Variants in CERS5 observed in about 807,000 individuals in gnomAD.
CERS5 encodes the protein LAG1 homolog, ceramide synthase 5.
CERS5 carries 37 observed loss-of-function variants against 58.9 expected under a neutral mutation model. That is an observed-to-expected ratio of 0.63 (90% CI 0.48 to 0.83). The LOEUF (loss-of-function observed/expected upper bound fraction) is 0.83, where lower values mean the gene tolerates loss of function less well. Ranked by LOEUF, CERS5 falls within the 40% of genes least tolerant of loss-of-function variation. CERS5 has a pLI of 0.00. For synonymous variants in CERS5, 147 were observed against 177.8 expected (o/e 0.83, Z 1.38); for missense variants, 398 against 489.3 (o/e 0.81, Z 1.76).
In CERS5 at chr12:50,167,110, A is replaced by G; in HGVS notation, c.188T>C (p.Leu63Pro). 1 of 1,543,704 alleles carries G rather than the reference A, an allele frequency of 6.5e-7. No homozygotes were observed. The highest frequency in any genetic ancestry group is 8.7e-7 in the Non-Finnish European group (1 of 1,149,692). The change falls in exon 1 of 10, where the codon CTC becomes CCC. Residue 63 changes from leucine to proline, a missense_variant. By Grantham distance (98) the Leu-to-Pro change is moderately conservative. Transcript: ENST00000317551. ...LAAGIFFVRL[L>P]FERFIAKPCA... ...GCTCCCGGGCTCTCACCGCTCGAAG[A>G]GCAGCCTCACGAAGAAGATGCCCGC...
At chr12:50,140,284 ATTTTTTTT>A (rs57651378) in intron 4 of CERS5, among the ~76,000 whole-genome samples, 1,382 of 96,284 alleles carry the variant, frequency 0.014, 24 homozygotes, top group African/African-American at 0.059. Context: ...TAACTTCCAA[ATTTTTTTT>A]TTTTTTTTTT....
In CERS5 at chr12:50,143,127, G is replaced by A. The variant is rs901704150; in HGVS notation, c.381C>T (p.Arg127=). Residue 127 remains arginine (R), a synonymous_variant, in exon 3 of 10, where the codon CGC becomes CGT. Coordinates refer to ENST00000317551, the MANE Select transcript of CERS5 (RefSeq NM_147190.5). ...WNVRKIQCWF[R]HRRNQDKPPT... ...GGGGCTTGTCCTGATTCCTCCGATG[G>A]CGAAACCAGCATTGGATTTTTCGGA... The A allele has an allele frequency of 6.2e-7, 1 of 1,613,760 alleles. No homozygotes were observed. The highest frequency in any genetic ancestry group is 1.3e-5 in the African/African-American group (1 of 74,878).
chr12:50,156,273 G>A (rs1372633107), intron 1 of CERS5, among the ~76,000 whole-genome samples: 9 of 148,870 alleles, frequency 6.0e-5, no homozygotes, highest in African/African-American at 2.2e-4. Context: ...GTGTGGCAGC[G>A]TGCGCCTGTA....
intron 1 of CERS5, among the ~76,000 whole-genome samples, chr12:50,156,745 A>C (rs1026473020): frequency 6.6e-6 from 1 of 152,198 alleles, no homozygotes; most frequent in African/African-American, 2.4e-5. Context: ...GCTGTACAGC[A>C]TAGGAATCTC....
intron 4 of CERS5, 102 bp from the exon 5 acceptor site, chr12:50,138,719 A>T (rs1951818451): frequency 3.9e-6 from 4 of 1,017,040 alleles, no homozygotes; most frequent in African/African-American, 3.2e-5. Context: ...GCAAAAGAGG[A>T]CAGAAAAGCC....
intron 9 of CERS5, chr12:50,133,477 T>C (rs1318303624): frequency 5.0e-6 from 5 of 992,456 alleles, no homozygotes; most frequent in Non-Finnish European, 4.8e-6. Flanking sequence ...ATATAAACCA[T>C]ATCTTGAATA....
chr12:50,130,346 A>T lies in CERS5; in HGVS notation c.*199T>A. The T allele has an allele frequency of 2.2e-6, 1 of 461,292 alleles. No homozygotes were observed. The highest frequency in any genetic ancestry group is 3.8e-6 in the Non-Finnish European group (1 of 260,804). The allele number at this position is 461,292 out of a possible 1,614,324, so 28.6% of individuals were successfully genotyped here. A position where few individuals can be genotyped will look rare whatever the true frequency, so the allele number is the denominator to read the frequency against. ...ACACACAAAAACACACAGAGCAAATAACATTACTGAAAGAACCTGGAGGCT... is the reference window on the plus strand; with the variant it reads ...ACACACAAAAACACACAGAGCAAATTACATTACTGAAAGAACCTGGAGGCT... On this transcript the variant is annotated 3_prime_UTR_variant, in exon 10 of 10. Transcript: ENST00000317551.
chr12:50,138,440 G>A, intron 5 of CERS5, 127 bp downstream of exon 5: 5 of 791,776 alleles, frequency 6.3e-6, no homozygotes, highest in South Asian at 4.3e-5. Context: ...TGACTTAAAG[G>A]GACTCAGTCC....
At chr12:50,157,872 C>A (rs1335310550) in intron 1 of CERS5, among the ~76,000 whole-genome samples, 1 of 151,868 alleles carries the variant, frequency 6.6e-6, no homozygotes, top group African/African-American at 2.4e-5. Flanking sequence ...GAGTTCAAGA[C>A]CAGCCATGGC....
At chr12:50,140,106 A>G (rs1054866978) in intron 4 of CERS5, among the ~76,000 whole-genome samples, 4 of 152,086 alleles carry the variant, frequency 2.6e-5, no homozygotes, top group Non-Finnish European at 4.4e-5. Flanking sequence ...AATTTAGATC[A>G]ACTTTAAACC....
chr12:50,143,284 G>C, intron 2 of CERS5, 80 bp from the exon 3 acceptor site: 1 of 1,518,654 alleles, frequency 6.6e-7, no homozygotes, highest in Non-Finnish European at 9.0e-7. Context: ...GAGCGACAAG[G>C]TATGATAGCC....
chr12:50,165,022 A>T (rs1939712097), intron 1 of CERS5: 1 of 149,972 alleles, frequency 6.7e-6, no homozygotes. Flanking sequence ...GCCCTCATAT[A>T]CAGAGACTAT....
chr12:50,150,345 A>G (rs943259846), intron 1 of CERS5, among the ~76,000 whole-genome samples: 1 of 152,138 alleles, frequency 6.6e-6, no homozygotes, highest in African/African-American at 2.4e-5. Context: ...TGGGTGACAG[A>G]GTGAGACGCC....
intron 1 of CERS5, among the ~76,000 whole-genome samples, chr12:50,152,887 C>G (rs1048312476): frequency 3.3e-5 from 5 of 151,936 alleles, no homozygotes; most frequent in African/African-American, 1.2e-4. Flanking sequence ...CTGGCCAACA[C>G]AGTAAAACCC....
intron 9 of CERS5, chr12:50,133,105 G>T: frequency 7.8e-7 from 1 of 1,282,852 alleles, no homozygotes; most frequent in Non-Finnish European, 1.0e-6. Context: ...GAGATGTCCA[G>T]TAGCTACAGC....
intron 1 of CERS5, among the ~76,000 whole-genome samples, chr12:50,149,042 C>T (rs933076731): frequency 4.8e-5 from 7 of 144,574 alleles, no homozygotes; most frequent in Non-Finnish European, 7.5e-5. Context: ...TTTTCTAAAA[C>T]AGTAGACATT....
rs151133904 is a variant in CERS5, at chr12:50,141,240, C to T, written c.492+813G>A. Among the ~76,000 whole-genome samples the T allele has an allele frequency of 3.6e-3, 549 of 152,074 alleles. 5 individuals are homozygous for T. The highest frequency in any genetic ancestry group is 0.017 in the Middle Eastern group (5 of 294). ...TAATTTTTGTAGCTTTTTGTAGAGA[C>T]GGGGTTTCACCATGTTGCCCAGGTT... is the stretch of plus-strand genomic sequence containing the variant. On this transcript the variant is annotated intron_variant, in intron 4 of 9. Coordinates refer to ENST00000317551, the MANE Select transcript of CERS5 (RefSeq NM_147190.5).
chr12:50,147,517 G>A (rs1207389136), intron 1 of CERS5: 3 of 152,032 alleles, frequency 2.0e-5, no homozygotes, highest in Admixed American at 1.3e-4. Context: ...GAGACCCCTG[G>A]GGGATCCAGA....
chr12:50,157,063 G>C (rs1592428917), intron 1 of CERS5, among the ~76,000 whole-genome samples: 1 of 152,270 alleles, frequency 6.6e-6, no homozygotes, highest in South Asian at 2.1e-4. Flanking sequence ...CTAATCAGCT[G>C]CCAGCATGGC....
Sources: gnomAD v4.1 joint callset for allele counts (sites outside exome capture counted in the v4.1 genomes callset) on GRCh38, gnomAD v4.1.1 for gene constraint, MANE v1.5 for transcripts, NCBI Gene and HGNC (gene_info 2026-07-23, HGNC 2026-07-21) for gene names.